TRIQK: variants seen among roughly 807,000 people sequenced by gnomAD.
TRIQK encodes triple QxxK/R motif containing.
In TRIQK, 10 loss-of-function variants were observed where a neutral mutation model predicts 10.8. The observed-to-expected ratio is 0.92, with a 90% CI of 0.57 to 1.57. The LOEUF (loss-of-function observed/expected upper bound fraction) is 1.57, where lower values mean the gene tolerates loss of function less well. Among genes scored for constraint, TRIQK ranks in the 40% most tolerant of loss-of-function variants. The pLI is 0.00. For synonymous variants in TRIQK, 33 were observed against 33.7 expected (o/e 0.98, Z 0.07); for missense variants, 107 against 97.7 (o/e 1.09, Z -0.40).
At chr8:92,978,966 C>T (rs2130742521) in intron 1 of TRIQK, among the ~76,000 whole-genome samples, 1 of 152,184 alleles carries the variant, frequency 6.6e-6, no homozygotes, top group East Asian at 1.9e-4. Flanking sequence ...TATTGCATAA[C>T]ACACCACCAT....
At position 92,883,940 on chromosome 8, in the gene TRIQK, C is replaced by T. The variant is rs1391105574; in HGVS notation, c.*2682G>A. 6.6e-6 allele frequency: 1 copy of T among 151,710 alleles called. No individual in the cohort carries two copies. Among genetic ancestry groups the T allele is most frequent in the East Asian group, 1.9e-4 (1 of 5,162 alleles). The allele number at this position is 151,710 out of a possible 1,614,324, so 9.4% of individuals were successfully genotyped here. A position where few individuals can be genotyped will look rare whatever the true frequency, so the allele number is the denominator to read the frequency against. On this transcript the variant is annotated 3_prime_UTR_variant, in exon 5 of 5. Transcript: ENST00000521988. ...TAAATTTATACATTCTTTACCCTGT[C>T]TAAACTTGCATGCAAAATAAGAACC... is the stretch of plus-strand genomic sequence containing the variant.
At chr8:92,903,865 A>G (rs909255758) in intron 3 of TRIQK, among the ~76,000 whole-genome samples, 1 of 152,120 alleles carries the variant, frequency 6.6e-6, no homozygotes, top group Non-Finnish European at 1.5e-5. Flanking sequence ...AATAATAAAC[A>G]AACAAAAATT....
At chr8:92,999,292 T>G (rs1379217324) in intron 1 of TRIQK, among the ~76,000 whole-genome samples, 1 of 152,198 alleles carries the variant, frequency 6.6e-6, no homozygotes, top group Non-Finnish European at 1.5e-5. Flanking sequence ...TTTTGAATTC[T>G]TTTGTTTTTA....
At chr8:92,959,519 ACAC>A (rs1812342399) in intron 1 of TRIQK, among the ~76,000 whole-genome samples, 1 of 145,030 alleles carries the variant, frequency 6.9e-6, no homozygotes, top group East Asian at 2.0e-4. Flanking sequence ...ACACACACAC[ACAC>A]AAAATGGCTT....
chr8:92,983,903 G>C lies in TRIQK; in HGVS notation c.-180-29339C>G, dbSNP rs1813008449. The stretch of plus-strand genomic sequence containing the variant: ...AAAAATAAACATGAGAATGGTTTGG[G>C]ATTTGCTAATCAGTTCAGCTCAACA... On this transcript the variant is annotated intron_variant, in intron 1 of 4. Coordinates refer to the TRIQK transcript ENST00000520686. Among the ~76,000 whole-genome samples, 6 of 152,030 alleles carry C rather than the reference G, an allele frequency of 3.9e-5. No individual in the cohort carries two copies. In the South Asian group the frequency reaches 1.0e-3, roughly 26 times the overall value.
chr8:92,913,104 T>C (rs1000572663), intron 3 of TRIQK, among the ~76,000 whole-genome samples: 1 of 152,040 alleles, frequency 6.6e-6, no homozygotes. Flanking sequence ...ACAGATCATA[T>C]ACAATGACCA....
chr8:93,016,465 T>C (rs1176558237), intron 1 of TRIQK, among the ~76,000 whole-genome samples: 5 of 152,222 alleles, frequency 3.3e-5, no homozygotes, highest in Non-Finnish European at 7.3e-5. Flanking sequence ...AACAGTTCTA[T>C]CAACAATGGA....
chr8:92,966,359 GA>G (rs1812750929), upstream of TRIQK, among the ~76,000 whole-genome samples: 2 of 152,292 alleles, frequency 1.3e-5, no homozygotes, highest in South Asian at 4.1e-4. Context: ...ATATAAAACG[GA>G]AAAATATGTT....
intron 4 of TRIQK, among the ~76,000 whole-genome samples, chr8:92,891,652 A>G (rs757406540): frequency 1.3e-5 from 2 of 151,948 alleles, no homozygotes; most frequent in Admixed American, 1.3e-4. Context: ...CAACTATAAA[A>G]TGAGATTTAT....
chr8:92,898,469 A>G (rs1418121734), intron 3 of TRIQK, among the ~76,000 whole-genome samples: 2 of 152,092 alleles, frequency 1.3e-5, no homozygotes, highest in African/African-American at 4.8e-5. Flanking sequence ...GATGGTTTTA[A>G]GATTTTAGTT....
intron 1 of TRIQK, among the ~76,000 whole-genome samples, chr8:93,011,197 CACACACACATAT>C (rs754501218): frequency 3.7e-5 from 5 of 135,220 alleles, no homozygotes; most frequent in South Asian, 2.4e-4. Context: ...CACACACACA[CACACACACATAT>C]ATATATATAT....
chr8:92,946,733 ATTTATTT>A (rs1476621074), intron 2 of TRIQK, among the ~76,000 whole-genome samples: 1 of 146,568 alleles, frequency 6.8e-6, no homozygotes, highest in Non-Finnish European at 1.5e-5. Flanking sequence ...ACTCCCTACC[ATTTATTT>A]TTTATTTTTT....
chr8:92,997,944 A>G (rs1257188570), intron 1 of TRIQK, among the ~76,000 whole-genome samples: 1 of 152,078 alleles, frequency 6.6e-6, no homozygotes, highest in Non-Finnish European at 1.5e-5. Flanking sequence ...AATCAAACAA[A>G]GTGAAATTTA....
At chr8:92,988,956 T>C (rs1813066151) in intron 1 of TRIQK, among the ~76,000 whole-genome samples, 1 of 152,086 alleles carries the variant, frequency 6.6e-6, no homozygotes, top group Admixed American at 6.5e-5. Context: ...TGACAGCAGG[T>C]ATGCAAAAAC....
chr8:92,898,064 C>T (rs1190844354), intron 3 of TRIQK, among the ~76,000 whole-genome samples: 1 of 151,896 alleles, frequency 6.6e-6, no homozygotes, highest in Non-Finnish European at 1.5e-5. Flanking sequence ...TGCTTTTATT[C>T]TTTGGTCAGT....
chr8:92,987,946 C>T (rs1029767998), intron 1 of TRIQK, among the ~76,000 whole-genome samples: 6 of 148,282 alleles, frequency 4.0e-5, no homozygotes, highest in African/African-American at 1.5e-4. Context: ...ATGGTTGTAT[C>T]ATCTTTAGAT....
intron 1 of TRIQK, among the ~76,000 whole-genome samples, chr8:92,980,887 A>C (rs745820168): frequency 4.7e-4 from 71 of 150,272 alleles, no homozygotes; most frequent in Non-Finnish European, 9.1e-4. Context: ...TTGCCATTTC[A>C]TTTTCATTTT....
At chr8:92,932,082 A>C (rs1810756619) in intron 2 of TRIQK, among the ~76,000 whole-genome samples, 1 of 152,138 alleles carries the variant, frequency 6.6e-6, no homozygotes, top group Admixed American at 6.6e-5. Flanking sequence ...GTCAGCTTCC[A>C]AGTCAGCACT....
intron 1 of TRIQK, among the ~76,000 whole-genome samples, chr8:93,002,344 G>T (rs1250575074): frequency 6.6e-6 from 1 of 151,954 alleles, no homozygotes; most frequent in African/African-American, 2.4e-5. Flanking sequence ...TTTTTGAAGT[G>T]ATAAAACTGA....
Sources: allele counts gnomAD v4.1 joint callset (sites outside exome capture counted in the v4.1 genomes callset), GRCh38; gene constraint gnomAD v4.1.1; transcripts MANE v1.5; gene names NCBI Gene and HGNC (gene_info 2026-07-23, HGNC 2026-07-21).